The following RANBP2 variants were observed in gnomAD, a reference collection of about 807,000 sequenced individuals.
RANBP2 encodes RAN binding protein 2, also known as E3 SUMO-protein ligase RanBP2.
In RANBP2, 57 loss-of-function variants were observed where a neutral mutation model predicts 303.6. The observed-to-expected ratio is 0.19, with a 90% CI of 0.15 to 0.23. RANBP2 has a LOEUF of 0.23. RANBP2 is among the 10% of genes least tolerant of loss of function. The pLI is 1.00. For missense variants in RANBP2, 3,138 were observed against 3,780.8 expected, an observed-to-expected ratio of 0.83 and a Z score of 4.46; for synonymous variants, 1,167 against 1,301.5, an observed-to-expected ratio of 0.90 and a Z score of 2.23.
At chr2:108,736,748 A>G (rs1217865584) in intron 6 of RANBP2, among the ~76,000 whole-genome samples, 2 of 152,148 alleles carry the variant, frequency 1.3e-5, no homozygotes, top group African/African-American at 4.8e-5. Flanking sequence ...TTTGAAAACC[A>G]GTGTCTCCAT....
the RANBP2 span, among the ~76,000 whole-genome samples, chr2:109,098,469 C>A: frequency 6.6e-6 from 1 of 152,210 alleles, no homozygotes; most frequent in African/African-American, 2.4e-5. Context: ...AGAAGCAGAA[C>A]CTGATGGTCA....
At chr2:109,506,962 G>A in the RANBP2 span, among the ~76,000 whole-genome samples, 1 of 152,216 alleles carries the variant, frequency 6.6e-6, no homozygotes, top group Non-Finnish European at 1.5e-5. Context: ...AGAGCAGTGG[G>A]AGAAGAGGAA....
At chr2:109,612,182 A>C in the RANBP2 span, among the ~76,000 whole-genome samples, 1 of 152,038 alleles carries the variant, frequency 6.6e-6, no homozygotes, top group Non-Finnish European at 1.5e-5. Context: ...AACTTTGCTG[A>C]GTTGAAAAAA....
chr2:108,989,685 C>A, the RANBP2 span, among the ~76,000 whole-genome samples: 1 of 152,210 alleles, frequency 6.6e-6, no homozygotes, highest in East Asian at 1.9e-4. Flanking sequence ...CCAGTGTATA[C>A]CCATGTAACT....
At chr2:109,218,933 G>A in the RANBP2 span, among the ~76,000 whole-genome samples, 1 of 152,164 alleles carries the variant, frequency 6.6e-6, no homozygotes, top group Non-Finnish European at 1.5e-5. Flanking sequence ...TTCCCTGCAC[G>A]GACCAGGCTT....
the RANBP2 span, among the ~76,000 whole-genome samples, chr2:109,047,670 C>T: frequency 3.3e-5 from 5 of 152,146 alleles, no homozygotes; most frequent in South Asian, 2.1e-4. Flanking sequence ...ATTAGCTGAG[C>T]GTGGTGGCAG....
At chr2:108,913,944 C>T in the RANBP2 span, among the ~76,000 whole-genome samples, 5 of 87,482 alleles carry the variant, frequency 5.7e-5, no homozygotes, top group Non-Finnish European at 1.0e-4. Flanking sequence ...AGTGCGATTC[C>T]GTCTCAAAAA....
the RANBP2 span, among the ~76,000 whole-genome samples, chr2:108,810,656 G>A: frequency 6.6e-6 from 1 of 152,164 alleles, no homozygotes; most frequent in Non-Finnish European, 1.5e-5. Flanking sequence ...TGGTATCATG[G>A]TAGTGCTGGC....
At chr2:108,982,642 G>A in the RANBP2 span, among the ~76,000 whole-genome samples, 7 of 152,206 alleles carry the variant, frequency 4.6e-5, no homozygotes, top group Non-Finnish European at 1.5e-5. Flanking sequence ...AGAGTGCTGT[G>A]TGTGGTCTGT....
At chr2:108,816,173 A>G in the RANBP2 span, 3 of 1,174,558 alleles carry the variant, frequency 2.6e-6, no homozygotes, top group Non-Finnish European at 3.7e-6. Context: ...AGCCAGGGCC[A>G]GGCACAGTGG....
the RANBP2 span, among the ~76,000 whole-genome samples, chr2:109,081,669 T>C: frequency 6.6e-6 from 1 of 152,172 alleles, no homozygotes; most frequent in East Asian, 1.9e-4. Context: ...CCTGGTAACC[T>C]TGCCCATCCT....
chr2:108,870,844 T>C, the RANBP2 span, among the ~76,000 whole-genome samples: 1 of 152,302 alleles, frequency 6.6e-6, no homozygotes, highest in South Asian at 2.1e-4. Flanking sequence ...AGTTATTGTT[T>C]AATGTGTGCA....
the RANBP2 span, among the ~76,000 whole-genome samples, chr2:108,982,336 C>T: frequency 6.6e-6 from 1 of 152,222 alleles, no homozygotes; most frequent in Non-Finnish European, 1.5e-5. Context: ...CTCAGACCCT[C>T]CCTGGTGGGA....
the RANBP2 span, among the ~76,000 whole-genome samples, chr2:108,830,058 G>T: frequency 6.6e-6 from 1 of 152,088 alleles, no homozygotes; most frequent in South Asian, 2.1e-4. Context: ...ACAAGATGTG[G>T]TATATACATA....
the RANBP2 span, among the ~76,000 whole-genome samples, chr2:109,591,902 AAAAC>A: frequency 6.6e-6 from 1 of 152,190 alleles, no homozygotes; most frequent in African/African-American, 2.4e-5. Flanking sequence ...CCCTGTCTCA[AAAAC>A]AAACAAAATA....
chr2:109,079,089 C>T, the RANBP2 span, among the ~76,000 whole-genome samples: 1 of 152,066 alleles, frequency 6.6e-6, no homozygotes, highest in Non-Finnish European at 1.5e-5. Flanking sequence ...GAACAACATG[C>T]GTTTAAATTA....
chr2:109,518,503 G>A, the RANBP2 span, among the ~76,000 whole-genome samples: 5 of 152,140 alleles, frequency 3.3e-5, no homozygotes, highest in African/African-American at 4.8e-5. Context: ...CACAAATACC[G>A]CAGCTTCAAG....
chr2:109,439,069 G>A, the RANBP2 span, among the ~76,000 whole-genome samples: 4 of 152,090 alleles, frequency 2.6e-5, no homozygotes, highest in African/African-American at 9.7e-5. Context: ...TGCTAGAAAC[G>A]TTCCCAATTC....
the RANBP2 span, among the ~76,000 whole-genome samples, chr2:109,486,790 G>C: frequency 6.6e-6 from 1 of 152,198 alleles, no homozygotes; most frequent in Non-Finnish European, 1.5e-5. Context: ...TTCCAGAAGA[G>C]AGACATCCCA....
Sources: allele counts gnomAD v4.1 joint callset (sites outside exome capture counted in the v4.1 genomes callset), GRCh38; gene constraint gnomAD v4.1.1; transcripts MANE v1.5; gene names NCBI Gene and HGNC (gene_info 2026-07-23, HGNC 2026-07-21).